NDUFA5: variants seen among roughly 807,000 people sequenced by gnomAD.
NDUFA5 encodes NADH:ubiquinone oxidoreductase subunit A5, also known as NADH dehydrogenase [ubiquinone] 1 alpha subcomplex subunit 5.
Under a neutral mutation model 19.8 loss-of-function variants are expected in NDUFA5, and 11 were observed. The observed-to-expected ratio is 0.56, with a 90% CI of 0.35 to 0.92. NDUFA5 has a LOEUF of 0.92. Ranked by LOEUF, NDUFA5 falls within the 40% of genes least tolerant of loss-of-function variation. The pLI is 0.01. For synonymous variants in NDUFA5, 47 were observed against 46.8 expected, an observed-to-expected ratio of 1.00 and a Z score of -0.01; for missense variants, 109 against 134.2, an observed-to-expected ratio of 0.81 and a Z score of 0.93.
In NDUFA5 at chr7:123,542,203, A is replaced by T; in HGVS notation, c.267T>A (p.Asn89Lys). 4 of 1,611,626 alleles carry T rather than the reference A, an allele frequency of 2.5e-6. No individual in the cohort carries two copies. Among genetic ancestry groups the T allele is most frequent in the Non-Finnish European group, 3.4e-6 (4 of 1,178,838 alleles). Reference sequence around the variant, plus strand: ...TCCATTCCCTCATTTTTCTTGCCAGATTTAGTTCATGTTCAGCCTGTTAAT... The same window carrying T: ...TCCATTCCCTCATTTTTCTTGCCAGTTTTAGTTCATGTTCAGCCTGTTAAT... ...EVILQAEHEL[N>K]LARKMREWKL... The change falls in exon 5 of 5, where the codon AAT (asparagine) becomes AAA (lysine). Residue 89 changes from asparagine (N) to lysine (K), a missense_variant. Asn to Lys is a moderately conservative substitution (Grantham distance 94, BLOSUM62 0). Coordinates refer to ENST00000355749, the MANE Select transcript of NDUFA5 (RefSeq NM_005000.5).
At chr7:123,557,535 C>T in intron 1 of NDUFA5, 87 bp from the exon 2 acceptor site, 1 of 1,611,182 alleles carries the variant, frequency 6.2e-7, no homozygotes, top group Admixed American at 1.7e-5. Flanking sequence ...CACGAATCCC[C>T]CGGCTAAAAC....
At chr7:123,570,919 G>T in the NDUFA5 span, among the ~76,000 whole-genome samples, 1 of 152,104 alleles carries the variant, frequency 6.6e-6, no homozygotes, top group African/African-American at 2.4e-5. Flanking sequence ...AAACTTACCA[G>T]CTGTACGGCC....
chr7:123,569,936 G>T, the NDUFA5 span, among the ~76,000 whole-genome samples: 1 of 149,972 alleles, frequency 6.7e-6, no homozygotes, highest in Non-Finnish European at 1.5e-5. Context: ...AATAATGATT[G>T]TTATTATTAT....
chr7:123,549,486 A>AGGT (rs1798253823), intron 3 of NDUFA5, among the ~76,000 whole-genome samples: 2 of 152,334 alleles, frequency 1.3e-5, no homozygotes, highest in East Asian at 1.9e-4. Context: ...ATGATAAAAT[A>AGGT]GGTGAGGCAC....
the NDUFA5 span, among the ~76,000 whole-genome samples, chr7:123,586,445 G>A: frequency 6.6e-6 from 1 of 151,662 alleles, no homozygotes; most frequent in Non-Finnish European, 1.5e-5. Context: ...TCTGTATTGA[G>A]TTGTATACAT....
Position 123,552,783 on chromosome 7 carries a change from C to A in NDUFA5, c.67-2197G>T, listed in dbSNP as rs139239914. 2.4e-3 allele frequency among the ~76,000 whole-genome samples: 360 copies of A among 152,206 alleles called. 3 individuals are homozygous for A. Among genetic ancestry groups the A allele is most frequent in the African/African-American group, 8.3e-3 (346 of 41,526 alleles). On this transcript the variant is annotated intron_variant, in intron 2 of 4. Coordinates refer to ENST00000355749, the MANE Select transcript of NDUFA5 (RefSeq NM_005000.5). ...TCCTCCACAAATAACTCACAATCTTCCTGTGCCCAGCTATCATCAGACCCT... is the reference window on the plus strand; with the variant it reads ...TCCTCCACAAATAACTCACAATCTTACTGTGCCCAGCTATCATCAGACCCT...
intron 3 of NDUFA5, among the ~76,000 whole-genome samples, chr7:123,549,622 T>G (rs1216792668): frequency 1.3e-5 from 2 of 151,900 alleles, no homozygotes; most frequent in Admixed American, 1.3e-4. Context: ...ACAAAAAATT[T>G]TAAAAATTAG....
the NDUFA5 span, among the ~76,000 whole-genome samples, chr7:123,572,361 G>C: frequency 6.6e-6 from 1 of 151,182 alleles, no homozygotes; most frequent in African/African-American, 2.4e-5. Context: ...GGACGGTCTC[G>C]ATCTCTTGAC....
intron 1 of NDUFA5, 115 bp from the exon 2 acceptor site, chr7:123,557,563 C>A: frequency 6.2e-7 from 1 of 1,612,058 alleles, no homozygotes; most frequent in African/African-American, 1.3e-5. Context: ...AAGCCAGCTA[C>A]TGGTCTCTCA....
At chr7:123,569,138 C>CT in the NDUFA5 span, among the ~76,000 whole-genome samples, 1 of 152,094 alleles carries the variant, frequency 6.6e-6, no homozygotes, top group African/African-American at 2.4e-5. Context: ...TTCTGGGGAC[C>CT]TGTCAGTAAA....
At chr7:123,571,195 G>A in the NDUFA5 span, among the ~76,000 whole-genome samples, 1 of 152,196 alleles carries the variant, frequency 6.6e-6, no homozygotes, top group South Asian at 2.1e-4. Context: ...ACATGCTGTG[G>A]TTAGTGGAGG....
intron 2 of NDUFA5, among the ~76,000 whole-genome samples, chr7:123,553,658 G>C (rs1015972955): frequency 1.3e-5 from 2 of 152,204 alleles, no homozygotes; most frequent in Non-Finnish European, 2.9e-5. Context: ...CAACGGTTAA[G>C]GGTGTGCTAA....
chr7:123,575,475 C>G, the NDUFA5 span, among the ~76,000 whole-genome samples: 1 of 152,024 alleles, frequency 6.6e-6, no homozygotes, highest in African/African-American at 2.4e-5. Flanking sequence ...AAGAAAACAA[C>G]TTTAATTGTA....
At chr7:123,594,438 T>A in the NDUFA5 span, among the ~76,000 whole-genome samples, 3 of 152,188 alleles carry the variant, frequency 2.0e-5, no homozygotes, top group Admixed American at 1.3e-4. Flanking sequence ...TGGTCTTTGT[T>A]GTTGGTGACC....
rs1005248047 is a variant in NDUFA5, at chr7:123,540,117, T to C, written c.*2002A>G. 3 of 152,144 alleles carry C rather than the reference T, an allele frequency of 2.0e-5. No homozygotes were observed. The highest frequency in any genetic ancestry group is 2.9e-5 in the Non-Finnish European group (2 of 68,032). The allele number at this position is 152,144 out of a possible 1,614,324, so 9.4% of individuals were successfully genotyped here. The stretch of plus-strand genomic sequence containing the variant: ...GCAGGGGAAAACTACTCACGTAGGG[T>C]TCTGGTTTCTTATCTGGAAAATGAA... On this transcript the variant is annotated 3_prime_UTR_variant, in exon 5 of 5. Transcript: ENST00000355749.
intron 3 of NDUFA5, among the ~76,000 whole-genome samples, chr7:123,547,717 A>G (rs898640323): frequency 6.6e-6 from 1 of 152,214 alleles, no homozygotes; most frequent in Non-Finnish European, 1.5e-5. Context: ...GAAGGCAAGG[A>G]AAGTTCAACG....
rs750935047 is a variant in NDUFA5 at position 123,556,787 on chromosome 7, A to T, written c.66+617T>A. On this transcript the variant is annotated intron_variant, in intron 2 of 4. Transcript: ENST00000355749. ...GTGAGAAATATGAGCTGACCATTGG[A>T]TTTGGCAGCATGGAGATAATTGGTG... 6.2e-6 allele frequency: 3 copies of T among 482,972 alleles called. No individual in the cohort carries two copies. In the East Asian group the frequency reaches 1.6e-4, roughly 26 times the overall value. 29.9% of individuals were successfully genotyped at this position (482,972 alleles called of 1,614,324 possible). A position where few individuals can be genotyped will look rare whatever the true frequency, so the allele number is the denominator to read the frequency against.
chr7:123,557,798 C>G lies in NDUFA5; in HGVS notation c.-3G>C. The G allele has an allele frequency of 6.2e-7, 1 of 1,614,136 alleles. No homozygotes were observed. The highest frequency in any genetic ancestry group is 8.5e-7 in the Non-Finnish European group (1 of 1,180,024). ...ACCTTCTTCAGCACACCCGCCATGACAGCGCCAACGACTCGGTGACGCACA... is the reference window on the plus strand; with the variant it reads ...ACCTTCTTCAGCACACCCGCCATGAGAGCGCCAACGACTCGGTGACGCACA... On this transcript the variant is annotated 5_prime_UTR_variant, in exon 1 of 5. Coordinates refer to ENST00000355749, the MANE Select transcript of NDUFA5 (RefSeq NM_005000.5).
the NDUFA5 span, among the ~76,000 whole-genome samples, chr7:123,576,943 A>G: frequency 6.6e-6 from 1 of 152,168 alleles, no homozygotes; most frequent in Non-Finnish European, 1.5e-5. Flanking sequence ...GCTTATGCAC[A>G]AATTTTCAGG....
Sources: allele counts gnomAD v4.1 joint callset (sites outside exome capture counted in the v4.1 genomes callset), GRCh38; gene constraint gnomAD v4.1.1; transcripts MANE v1.5; gene names NCBI Gene and HGNC (gene_info 2026-07-23, HGNC 2026-07-21).